The following CTNNA2 variants were observed in gnomAD, a reference collection of about 807,000 sequenced individuals.
CTNNA2 encodes the protein catenin alpha-2.
In CTNNA2, 42 loss-of-function variants were observed where a neutral mutation model predicts 101.0. That is an observed-to-expected ratio of 0.42 (90% CI 0.32 to 0.54). The LOEUF is 0.54. CTNNA2 is among the 20% of genes least tolerant of loss of function. CTNNA2 has a pLI of 0.14. For missense variants in CTNNA2, 871 were observed against 1,223.1 expected, an observed-to-expected ratio of 0.71 and a Z score of 4.29; for synonymous variants, 450 against 456.4, an observed-to-expected ratio of 0.99 and a Z score of 0.18.
At chr2:79,362,774 C>T (rs1677660437) in intron 3 of CTNNA2, among the ~76,000 whole-genome samples, 1 of 152,300 alleles carries the variant, frequency 6.6e-6, no homozygotes, top group Admixed American at 6.5e-5. Context: ...GCAGCTCTAC[C>T]AGCCTGGATC....
At chr2:80,375,075 T>A (rs758101716) in intron 7 of CTNNA2, among the ~76,000 whole-genome samples, 1 of 152,166 alleles carries the variant, frequency 6.6e-6, no homozygotes, top group South Asian at 2.1e-4. Context: ...GGAAGCCTAC[T>A]CCTTCTACCC....
chr2:79,452,266 A>G (rs1670765264), intron 4 of CTNNA2, among the ~76,000 whole-genome samples: 1 of 152,024 alleles, frequency 6.6e-6, no homozygotes, highest in African/African-American at 2.4e-5. Context: ...CCTAACGTGT[A>G]TCCAGCCAAT....
chr2:80,410,870 T>C (rs1425913377), intron 8 of CTNNA2, among the ~76,000 whole-genome samples: 2 of 152,198 alleles, frequency 1.3e-5, no homozygotes, highest in African/African-American at 2.4e-5. Context: ...CCTGTGTTTA[T>C]AGACTATGGA....
chr2:80,339,507 C>T (rs1329505634), intron 7 of CTNNA2, among the ~76,000 whole-genome samples: 1 of 152,144 alleles, frequency 6.6e-6, no homozygotes, highest in Admixed American at 6.5e-5. Flanking sequence ...GGTGAATACC[C>T]TGACAAATCT....
intron 7 of CTNNA2, among the ~76,000 whole-genome samples, chr2:80,085,121 G>C (rs1180974945): frequency 6.6e-6 from 1 of 152,062 alleles, no homozygotes; most frequent in Non-Finnish European, 1.5e-5. Context: ...GCCAAGTTAA[G>C]GTGAACCAAA....
At chr2:80,225,267 G>A (rs1176649562) in intron 7 of CTNNA2, among the ~76,000 whole-genome samples, 1 of 152,108 alleles carries the variant, frequency 6.6e-6, no homozygotes. Context: ...GAAAAGCAGA[G>A]CCCGATTGCC....
chr2:80,378,180 C>A (rs1357396839), intron 7 of CTNNA2, among the ~76,000 whole-genome samples: 2 of 151,908 alleles, frequency 1.3e-5, no homozygotes, highest in African/African-American at 4.8e-5. Context: ...CATGGTGAAA[C>A]CCCGTCTCTG....
intron 7 of CTNNA2, 135 bp from the exon 8 acceptor site, chr2:80,393,076 T>C (rs2149366873): frequency 1.7e-6 from 1 of 594,402 alleles, no homozygotes. Flanking sequence ...AATCATGTTA[T>C]AGTTATGTAT....
At chr2:79,544,104 A>T (rs1266392070) in intron 1 of CTNNA2, among the ~76,000 whole-genome samples, 1 of 152,090 alleles carries the variant, frequency 6.6e-6, no homozygotes, top group Non-Finnish European at 1.5e-5. Context: ...CACTGGGCTA[A>T]TTTTTGTATT....
chr2:79,437,604 G>T (rs376319029), intron 4 of CTNNA2, among the ~76,000 whole-genome samples: 1 of 152,236 alleles, frequency 6.6e-6, no homozygotes, highest in South Asian at 2.1e-4. Context: ...CAGTTCTGAC[G>T]CTCTCTCAGG....
intron 6 of CTNNA2, among the ~76,000 whole-genome samples, chr2:79,888,541 A>G (rs1375027741): frequency 6.6e-6 from 1 of 152,198 alleles, no homozygotes; most frequent in Non-Finnish European, 1.5e-5. Flanking sequence ...GCGCATTTCA[A>G]TCACTAAAGA....
intron 2 of CTNNA2, among the ~76,000 whole-genome samples, chr2:79,699,839 G>GTA (rs765230329): frequency 2.1e-5 from 3 of 141,316 alleles, no homozygotes; most frequent in Admixed American, 7.1e-5. Flanking sequence ...ACACGTGTGT[G>GTA]TATATATATA....
At chr2:80,034,312 A>G (rs1695505303) in intron 7 of CTNNA2, among the ~76,000 whole-genome samples, 1 of 151,124 alleles carries the variant, frequency 6.6e-6, no homozygotes, top group Non-Finnish European at 1.5e-5. Context: ...AAGTACAAAC[A>G]GTTCTTAACC....
At chr2:80,271,382 CA>C (rs1673456063) in intron 7 of CTNNA2, among the ~76,000 whole-genome samples, 1 of 150,526 alleles carries the variant, frequency 6.6e-6, no homozygotes, top group Non-Finnish European at 1.5e-5. Context: ...CTTCCAGTCA[CA>C]AATTATACCA....
At chr2:80,293,317 T>C (rs747705480) in intron 7 of CTNNA2, among the ~76,000 whole-genome samples, 1 of 152,230 alleles carries the variant, frequency 6.6e-6, no homozygotes, top group Admixed American at 6.5e-5. Flanking sequence ...GAAGGCTGCC[T>C]ACAATATCTC....
At chr2:79,581,418 G>A (rs1162379243) in intron 1 of CTNNA2, among the ~76,000 whole-genome samples, 1 of 152,088 alleles carries the variant, frequency 6.6e-6, no homozygotes, top group Non-Finnish European at 1.5e-5. Flanking sequence ...GCAGCTACTA[G>A]GGAGGTTGAG....
intron 12 of CTNNA2, among the ~76,000 whole-genome samples, chr2:80,569,863 C>G (rs1367648395): frequency 1.3e-5 from 2 of 151,420 alleles, no homozygotes; most frequent in Non-Finnish European, 2.9e-5. Context: ...AGGATGGTCT[C>G]GATCTCCTGA....
intron 7 of CTNNA2, among the ~76,000 whole-genome samples, chr2:80,287,575 A>C (rs1193789931): frequency 1.3e-5 from 2 of 152,200 alleles, no homozygotes; most frequent in African/African-American, 4.8e-5. Flanking sequence ...CTGAATACTC[A>C]CTATGTGCCC....
intron 7 of CTNNA2, among the ~76,000 whole-genome samples, chr2:79,939,832 C>T (rs1688031843): frequency 6.6e-6 from 1 of 151,936 alleles, no homozygotes; most frequent in Admixed American, 6.6e-5. Flanking sequence ...GTGACTCATG[C>T]CTGTAATCCC....
Sources: allele counts gnomAD v4.1 joint callset (sites outside exome capture counted in the v4.1 genomes callset), GRCh38; gene constraint gnomAD v4.1.1; transcripts MANE v1.5; gene names NCBI Gene and HGNC (gene_info 2026-07-23, HGNC 2026-07-21).